Variants in SERPINE2 observed in about 807,000 individuals in gnomAD.
SERPINE2 encodes the protein serpin family E member 2.
A neutral mutation model predicts 36.3 loss-of-function variants in SERPINE2; 14 were observed. That is an observed-to-expected ratio of 0.39 (90% CI 0.25 to 0.60). The LOEUF (loss-of-function observed/expected upper bound fraction) is 0.60, where lower values mean the gene tolerates loss of function less well. Among genes scored for constraint, SERPINE2 ranks in the 20% least tolerant of loss-of-function variants. SERPINE2 has a pLI of 0.57. For missense variants in SERPINE2, 418 were observed against 499.6 expected (o/e 0.84, Z 1.56); for synonymous variants, 192 against 191.8 (o/e 1.00, Z -0.01).
At chr2:224,037,464 T>C (rs1692572509) in intron 1 of SERPINE2, among the ~76,000 whole-genome samples, 1 of 152,176 alleles carries the variant, frequency 6.6e-6, no homozygotes, top group Non-Finnish European at 1.5e-5. Flanking sequence ...GAGGACTTGG[T>C]AGCTGGAGTA....
intron 3 of SERPINE2, among the ~76,000 whole-genome samples, chr2:223,995,861 T>C (rs1296776842): frequency 6.6e-6 from 1 of 152,256 alleles, no homozygotes; most frequent in Non-Finnish European, 1.5e-5. Context: ...TCTGAGACTC[T>C]GACTACTTTA....
rs149854954 is a variant in SERPINE2 at position 223,975,047 on chromosome 2, T to C, written c.*820A>G. On this transcript the variant is annotated 3_prime_UTR_variant, in exon 9 of 9. Coordinates refer to ENST00000409304, the MANE Select transcript of SERPINE2 (RefSeq NM_001136528.2). ...AAGAATAGGAAAAGTCTCCGAGCTTTGAATTTCCTGATGTTTACATAGTAC... is the reference window on the plus strand; with the variant it reads ...AAGAATAGGAAAAGTCTCCGAGCTTCGAATTTCCTGATGTTTACATAGTAC... 3.3e-5 allele frequency: 5 copies of C among 152,346 alleles called. No individual in the cohort carries two copies. The East Asian group carries it at 9.7e-4, about 29-fold the overall frequency. 9.4% of individuals were successfully genotyped at this position (152,346 alleles called of 1,614,324 possible). A position where few individuals can be genotyped will look rare whatever the true frequency, so the allele number is the denominator to read the frequency against.
At chr2:223,977,366 A>C (rs899578070) in intron 8 of SERPINE2, among the ~76,000 whole-genome samples, 178 bp downstream of exon 8, 1 of 152,230 alleles carries the variant, frequency 6.6e-6, no homozygotes, top group Non-Finnish European at 1.5e-5. Flanking sequence ...TCACATCTGT[A>C]AACACAGCCT....
intron 4 of SERPINE2, among the ~76,000 whole-genome samples, chr2:223,986,521 T>C (rs1239204855): frequency 4.0e-5 from 6 of 151,860 alleles, no homozygotes; most frequent in African/African-American, 1.4e-4. Context: ...TAATGAGCTC[T>C]TTAATCCTTG....
chr2:224,021,911 G>C (rs970371210), intron 1 of SERPINE2, among the ~76,000 whole-genome samples: 1 of 152,090 alleles, frequency 6.6e-6, no homozygotes, highest in Non-Finnish European at 1.5e-5. Flanking sequence ...TGTAATCCCA[G>C]CACTTTGGGA....
At chr2:223,989,170 A>G (rs1301895109) in intron 4 of SERPINE2, among the ~76,000 whole-genome samples, 1 of 152,232 alleles carries the variant, frequency 6.6e-6, no homozygotes, top group East Asian at 1.9e-4. Context: ...TCTTAATAGA[A>G]AAGTTTCTAC....
intron 5 of SERPINE2, among the ~76,000 whole-genome samples, 156 bp from the exon 6 acceptor site, chr2:223,982,937 A>ATT (rs1690274554): frequency 1.3e-5 from 2 of 152,244 alleles, no homozygotes; most frequent in African/African-American, 4.8e-5. Context: ...TAAATACCAG[A>ATT]TAAGTAAAGG....
intron 1 of SERPINE2, chr2:224,029,976 C>G (rs1692305549): frequency 2.4e-6 from 2 of 841,184 alleles, no homozygotes; most frequent in Non-Finnish European, 2.9e-6. Context: ...GGATTACAGG[C>G]GTGAGCCAGC....
intron 1 of SERPINE2, among the ~76,000 whole-genome samples, chr2:224,029,619 A>G (rs1692292032): frequency 6.6e-6 from 1 of 152,230 alleles, no homozygotes; most frequent in African/African-American, 2.4e-5. Flanking sequence ...CAAGAATGAA[A>G]AGAGAAGCCT....
At chr2:224,013,502 T>G (rs2106182300) in intron 1 of SERPINE2, among the ~76,000 whole-genome samples, 1 of 152,324 alleles carries the variant, frequency 6.6e-6, no homozygotes, top group East Asian at 1.9e-4. Flanking sequence ...GGGTTTGGGC[T>G]CCGTTTTGCT....
chr2:223,983,311 T>C (rs1299653747), intron 5 of SERPINE2, among the ~76,000 whole-genome samples: 1 of 152,200 alleles, frequency 6.6e-6, no homozygotes, highest in East Asian at 1.9e-4. Flanking sequence ...CAGAGGACAA[T>C]GGTGCAATCT....
chr2:224,037,473 T>A (rs992899990), intron 1 of SERPINE2, among the ~76,000 whole-genome samples: 2 of 152,034 alleles, frequency 1.3e-5, no homozygotes, highest in Non-Finnish European at 2.9e-5. Flanking sequence ...GTAGCTGGAG[T>A]ACATGGAAGA....
intron 2 of SERPINE2, chr2:224,001,439 G>A (rs988449814): frequency 2.4e-5 from 13 of 543,810 alleles, no homozygotes; most frequent in Middle Eastern, 5.0e-4. Flanking sequence ...TACAAAAAAG[G>A]GACCAGAGTC....
At chr2:224,026,319 T>G (rs1019083887) in intron 1 of SERPINE2, among the ~76,000 whole-genome samples, 1 of 152,252 alleles carries the variant, frequency 6.6e-6, no homozygotes, top group African/African-American at 2.4e-5. Flanking sequence ...AGCACTACCT[T>G]AACTAATTCA....
intron 8 of SERPINE2, among the ~76,000 whole-genome samples, chr2:223,976,699 C>T (rs1690024986): frequency 6.6e-6 from 1 of 152,232 alleles, no homozygotes; most frequent in Admixed American, 6.5e-5. Flanking sequence ...TTGTAATAAG[C>T]AGTCAGCACT....
At chr2:223,987,560 G>C (rs1015015044) in intron 4 of SERPINE2, among the ~76,000 whole-genome samples, 1 of 152,170 alleles carries the variant, frequency 6.6e-6, no homozygotes, top group Non-Finnish European at 1.5e-5. Flanking sequence ...GTATAAAAAC[G>C]TAAGTATAAT....
chr2:224,032,402 C>T (rs1265070252), intron 1 of SERPINE2, among the ~76,000 whole-genome samples: 2 of 151,878 alleles, frequency 1.3e-5, no homozygotes, highest in African/African-American at 2.4e-5. Flanking sequence ...ACATGGAGGG[C>T]GAAAGTTGGG....
chr2:224,034,543 G>A lies in SERPINE2; in HGVS notation c.-23+4556C>T, dbSNP rs147616808. 1.8e-3 allele frequency among the ~76,000 whole-genome samples: 276 copies of A among 152,266 alleles called. 2 individuals are homozygous for A. The highest frequency in any genetic ancestry group is 6.4e-3 in the African/African-American group (267 of 41,546). Reference sequence around the variant, plus strand: ...CATTACAAATGGCCAGCAGCCTGGTGAGCCCATGGAGCACTGTGGAAAGTT... The same window carrying A: ...CATTACAAATGGCCAGCAGCCTGGTAAGCCCATGGAGCACTGTGGAAAGTT... On this transcript the variant is annotated intron_variant, in intron 1 of 8. Transcript: ENST00000409304.
chr2:224,030,811 T>C (rs969125092), intron 1 of SERPINE2: 15 of 256,268 alleles, frequency 5.9e-5, no homozygotes, highest in African/African-American at 3.5e-4. Context: ...TTCTGCTGAG[T>C]TTTATCCAGC....
Sources: gnomAD v4.1 joint callset for allele counts (sites outside exome capture counted in the v4.1 genomes callset) on GRCh38, gnomAD v4.1.1 for gene constraint, MANE v1.5 for transcripts, NCBI Gene and HGNC (gene_info 2026-07-23, HGNC 2026-07-21) for gene names.